KIF16B: variants seen among roughly 807,000 people sequenced by gnomAD.
The protein encoded by KIF16B is kinesin-like protein KIF16B.
A neutral mutation model predicts 156.3 loss-of-function variants in KIF16B; 98 were observed. That is an observed-to-expected ratio of 0.63 (90% CI 0.53 to 0.74). The LOEUF (loss-of-function observed/expected upper bound fraction) is 0.74, where lower values mean the gene tolerates loss of function less well. Among genes scored for constraint, KIF16B ranks in the 30% least tolerant of loss-of-function variants. The pLI, the probability that KIF16B is intolerant of heterozygous loss-of-function variation, is 0.00. For synonymous variants in KIF16B, 564 were observed against 583.7 expected, an observed-to-expected ratio of 0.97 and a Z score of 0.49; for missense variants, 1,421 against 1,606.5, an observed-to-expected ratio of 0.88 and a Z score of 1.97.
chr20:16,382,807 C>A (rs1041906353), intron 17 of KIF16B, among the ~76,000 whole-genome samples: 2 of 149,954 alleles, frequency 1.3e-5, no homozygotes, highest in African/African-American at 4.9e-5. Flanking sequence ...TTTTCTGTTG[C>A]GGTAGAGGGC....
chr20:16,462,021 G>A (rs994663293), intron 12 of KIF16B, among the ~76,000 whole-genome samples: 18 of 152,170 alleles, frequency 1.2e-4, no homozygotes, highest in Non-Finnish European at 2.4e-4. Context: ...GGCTGAGGCA[G>A]GTGGATCACA....
intron 12 of KIF16B, among the ~76,000 whole-genome samples, chr20:16,481,006 G>A (rs920407496): frequency 2.2e-4 from 33 of 152,296 alleles, no homozygotes; most frequent in Non-Finnish European, 4.4e-5. Context: ...ATGGAGAGAT[G>A]TGTTTGAAGG....
intron 22 of KIF16B, among the ~76,000 whole-genome samples, chr20:16,359,077 G>T (rs1245298190): frequency 4.6e-5 from 7 of 152,274 alleles, no homozygotes; most frequent in African/African-American, 1.4e-4. Flanking sequence ...GTAGATTTGG[G>T]ACCTTAACTT....
chr20:16,480,684 G>A (rs923503450), intron 12 of KIF16B, among the ~76,000 whole-genome samples: 10 of 152,180 alleles, frequency 6.6e-5, no homozygotes, highest in Non-Finnish European at 1.5e-4. Context: ...AGCTGGCAAT[G>A]TCTACACATC....
chr20:16,560,152 T>G (rs941407042), intron 1 of KIF16B, among the ~76,000 whole-genome samples: 6 of 152,200 alleles, frequency 3.9e-5, no homozygotes, highest in African/African-American at 1.4e-4. Context: ...GGACCACTGA[T>G]ACCTTCTCAC....
chr20:16,288,663 GGTTATTGGGAT>G (rs2063265213), intron 25 of KIF16B, among the ~76,000 whole-genome samples: 2 of 150,752 alleles, frequency 1.3e-5, no homozygotes, highest in African/African-American at 4.9e-5. Context: ...CTGATGATAA[GGTTATTGGGAT>G]CCCATCATAA....
chr20:16,327,353 A>G (rs1224621314), intron 24 of KIF16B, among the ~76,000 whole-genome samples: 1 of 152,032 alleles, frequency 6.6e-6, no homozygotes, highest in African/African-American at 2.4e-5. Flanking sequence ...ACACTGCTCA[A>G]GTGATGGGTA....
Position 16,379,510 on chromosome 20 carries a change from C to T in KIF16B, c.2492G>A (p.Arg831Lys), listed in dbSNP as rs2065036392. 1 of 1,614,164 alleles carries T rather than the reference C, an allele frequency of 6.2e-7. No homozygotes were observed. The highest frequency in any genetic ancestry group is 1.7e-5 in the Admixed American group (1 of 60,016). ...CAAGTTCACTAGCTTGACAAGCTGCCTTCTCTTGAATTCGAAGAAACGCAG... is the reference window on the plus strand; with the variant it reads ...CAAGTTCACTAGCTTGACAAGCTGCTTTCTCTTGAATTCGAAGAAACGCAG... ...AQLRFFEFKR[R>K]QLVKLVNLEK... The change falls in exon 19 of 26, where the codon AGG (arginine) becomes AAG (lysine). Residue 831 changes from arginine (R) to lysine (K), a missense_variant. Coordinates refer to ENST00000354981, the MANE Select transcript of KIF16B (RefSeq NM_024704.5).
At chr20:16,529,030 A>G (rs888053660) in intron 1 of KIF16B, among the ~76,000 whole-genome samples, 3 of 152,274 alleles carry the variant, frequency 2.0e-5, no homozygotes, top group African/African-American at 7.2e-5. Flanking sequence ...AGGAATGAGG[A>G]AGATCCCTAT....
chr20:16,409,888 G>A (rs1293759120), intron 15 of KIF16B, among the ~76,000 whole-genome samples: 1 of 140,542 alleles, frequency 7.1e-6, no homozygotes, highest in Non-Finnish European at 1.5e-5. Context: ...TGAAAATATG[G>A]GTTTGAAGCT....
chr20:16,548,753 T>C (rs1057402722), intron 1 of KIF16B, among the ~76,000 whole-genome samples: 1 of 152,120 alleles, frequency 6.6e-6, no homozygotes. Flanking sequence ...AGATCCAGAT[T>C]CCTGGCTATT....
intron 12 of KIF16B, among the ~76,000 whole-genome samples, chr20:16,456,157 C>T (rs543442515): frequency 6.7e-6 from 1 of 149,136 alleles, no homozygotes; most frequent in African/African-American, 2.5e-5. Context: ...CAATACAATA[C>T]AGACATATAA....
At chr20:16,429,141 C>T (rs1195904364) in intron 13 of KIF16B, 137 bp from the exon 14 acceptor site, 10 of 738,008 alleles carry the variant, frequency 1.4e-5, no homozygotes, top group Admixed American at 1.2e-4. Flanking sequence ...TTCAATGCAT[C>T]GAGAGCTCCC....
At chr20:16,283,758 C>T (rs1196358353) in intron 25 of KIF16B, among the ~76,000 whole-genome samples, 1 of 152,120 alleles carries the variant, frequency 6.6e-6, no homozygotes, top group African/African-American at 2.4e-5. Context: ...GTAGCCTCTG[C>T]TTATGGTCTC....
intron 10 of KIF16B, among the ~76,000 whole-genome samples, chr20:16,500,113 A>G (rs894463031): frequency 6.6e-6 from 1 of 152,318 alleles, no homozygotes; most frequent in Non-Finnish European, 1.5e-5. Flanking sequence ...TCCTGTTTTT[A>G]AAGAACTTTG....
chr20:16,399,670 G>T (rs761960327), intron 17 of KIF16B, among the ~76,000 whole-genome samples: 1 of 152,198 alleles, frequency 6.6e-6, no homozygotes, highest in Non-Finnish European at 1.5e-5. Flanking sequence ...ACAGGAGAAA[G>T]TTCAAGGCCC....
chr20:16,365,385 A>T (rs2064641686), intron 22 of KIF16B, among the ~76,000 whole-genome samples: 1 of 152,180 alleles, frequency 6.6e-6, no homozygotes. Context: ...CTCATCAAAG[A>T]GTTAAAAGCC....
At position 16,515,684 on chromosome 20, in the gene KIF16B, C is replaced by T. The variant is rs2069120730; in HGVS notation, c.232-20G>A. 1 of 1,300,634 alleles carries T rather than the reference C, an allele frequency of 7.7e-7. No homozygotes were observed. Among genetic ancestry groups the T allele is most frequent in the South Asian group, 1.2e-5 (1 of 83,662 alleles). The allele number at this position is 1,300,634 out of a possible 1,614,324, so 80.6% of individuals were successfully genotyped here. On this transcript the variant is annotated intron_variant, in intron 3 of 25. Transcript: ENST00000354981. ...GAAAACCTGAAAGCCAAAAAGAACA[C>T]ACAAAAGATACAATTATCATAGATT...
chr20:16,410,543 C>T (rs968464448), intron 15 of KIF16B, among the ~76,000 whole-genome samples: 3 of 151,900 alleles, frequency 2.0e-5, no homozygotes, highest in Non-Finnish European at 4.4e-5. Flanking sequence ...TTCATATACA[C>T]TTATAGAGAG....
Sources: allele counts gnomAD v4.1 joint callset (sites outside exome capture counted in the v4.1 genomes callset), GRCh38; gene constraint gnomAD v4.1.1; transcripts MANE v1.5; gene names NCBI Gene and HGNC (gene_info 2026-07-23, HGNC 2026-07-21).